NSUN7: variants seen among roughly 807,000 people sequenced by gnomAD.
NSUN7 encodes NOP2/Sun RNA methyltransferase family member 7.
Under a neutral mutation model 58.5 loss-of-function variants are expected in NSUN7, and 39 were observed. That is an observed-to-expected ratio of 0.67 (90% CI 0.52 to 0.87). The LOEUF is 0.87. Ranked by LOEUF, NSUN7 falls within the 40% of genes least tolerant of loss-of-function variation. NSUN7 has a pLI of 0.00. For missense variants in NSUN7, 765 were observed against 844.1 expected, an observed-to-expected ratio of 0.91 and a Z score of 1.16; for synonymous variants, 278 against 303.7, an observed-to-expected ratio of 0.92 and a Z score of 0.88.
intron 7 of NSUN7, chr4:40,786,539 C>G: frequency 1.2e-6 from 2 of 1,613,242 alleles, no homozygotes; most frequent in South Asian, 1.1e-5. Context: ...AACTCATTGT[C>G]TCTTTCAGAA....
At chr4:40,774,087 T>C (rs1173001277) in intron 4 of NSUN7, among the ~76,000 whole-genome samples, 178 bp from the exon 5 acceptor site, 1 of 152,230 alleles carries the variant, frequency 6.6e-6, no homozygotes, top group Admixed American at 6.5e-5. Flanking sequence ...CATGAGCCGC[T>C]GCGCCTGGGC....
chr4:40,805,549 T>C (rs1028637670), intron 10 of NSUN7, among the ~76,000 whole-genome samples: 2 of 152,234 alleles, frequency 1.3e-5, no homozygotes, highest in Admixed American at 1.3e-4. Flanking sequence ...ATCTTCGGGG[T>C]AACTAACGTG....
chr4:40,793,041 A>T (rs1743164395), intron 8 of NSUN7, among the ~76,000 whole-genome samples: 1 of 152,226 alleles, frequency 6.6e-6, no homozygotes, highest in Admixed American at 6.5e-5. Context: ...AACGACTTGG[A>T]ATTATTTTAA....
intron 4 of NSUN7, among the ~76,000 whole-genome samples, chr4:40,770,878 C>A (rs1741972086): frequency 1.3e-5 from 2 of 152,156 alleles, no homozygotes; most frequent in Non-Finnish European, 2.9e-5. Flanking sequence ...TAGTGAAACC[C>A]CATCTCTACT....
intron 10 of NSUN7, among the ~76,000 whole-genome samples, chr4:40,803,743 A>G (rs1341544252): frequency 6.6e-6 from 1 of 152,254 alleles, no homozygotes; most frequent in African/African-American, 2.4e-5. Context: ...TTTGTATATG[A>G]TAAGAGTTAG....
chr4:40,782,592 G>A (rs1742630601), intron 7 of NSUN7, among the ~76,000 whole-genome samples: 1 of 151,870 alleles, frequency 6.6e-6, no homozygotes, highest in African/African-American at 2.4e-5. Context: ...TTAGGGCCGG[G>A]TGCAGTGGCT....
rs186477572 is a variant in NSUN7 at position 40,782,835 on chromosome 4, T to C, written c.1036+6576T>C. 1.5e-3 allele frequency among the ~76,000 whole-genome samples: 223 copies of C among 152,222 alleles called. 1 individual carries two copies. Among genetic ancestry groups the C allele is most frequent in the African/African-American group, 5.2e-3 (215 of 41,532 alleles). ...AGTGAGCTGGTTCATGCCACTGCAC[T>C]CCAGCCTGGGCAACAAAGTGAGACC... is the stretch of plus-strand genomic sequence containing the variant. On this transcript the variant is annotated intron_variant, in intron 7 of 11. Coordinates refer to ENST00000381782, the MANE Select transcript of NSUN7 (RefSeq NM_024677.6).
rs527483803 is a variant in NSUN7 at position 40,767,514 on chromosome 4, A to G, written c.488+6213A>G. On this transcript the variant is annotated intron_variant, in intron 4 of 11. Transcript: ENST00000381782. ...AGCTTTACTTCCAACTATGTGGTCA[A>G]TTTTGGAATAGGTGTGGTGTGGTGC... Among the ~76,000 whole-genome samples the G allele has an allele frequency of 1.5e-4, 23 of 152,226 alleles. No homozygotes were observed. The South Asian group carries it at 1.7e-3, about 11-fold the overall frequency.
rs11405521 is a variant in NSUN7, at chr4:40,810,577, CAAAAAAAAAAAAAA to C, written c.*1649_*1662del. On this transcript the variant is annotated 3_prime_UTR_variant, in exon 12 of 12. Coordinates refer to ENST00000381782, the MANE Select transcript of NSUN7 (RefSeq NM_024677.6). Reference sequence around the variant, plus strand: ...TGGGAAGCAGAGTGAGACCTTGCCTCAAAAAAAAAAAAAAAAAAAAAAAAGTGTCAATGAAGAAA... The same window carrying C: ...TGGGAAGCAGAGTGAGACCTTGCCTCAAAAAAAAAAGTGTCAATGAAGAAA... 1 of 66,378 alleles carries C rather than the reference CAAAAAAAAAAAAAA, an allele frequency of 1.5e-5. No homozygotes were observed. The highest frequency in any genetic ancestry group is 2.7e-5 in the Non-Finnish European group (1 of 36,400). 4.1% of individuals were successfully genotyped at this position (66,378 alleles called of 1,614,324 possible). A position where few individuals can be genotyped will look rare whatever the true frequency, so the allele number is the denominator to read the frequency against.
chr4:40,796,999 G>A (rs564775668), intron 9 of NSUN7, among the ~76,000 whole-genome samples: 2 of 152,262 alleles, frequency 1.3e-5, no homozygotes, highest in East Asian at 1.9e-4. Context: ...GTCCTGTGAA[G>A]ATCGCCAGTG....
At chr4:40,798,762 G>A in intron 9 of NSUN7, 25 bp from the exon 10 acceptor site, 1 of 1,295,774 alleles carries the variant, frequency 7.7e-7, no homozygotes, top group Non-Finnish European at 1.1e-6. Flanking sequence ...AGTTGTTACA[G>A]TCATTGCATC....
At chr4:40,770,869 A>G (rs1200410109) in intron 4 of NSUN7, among the ~76,000 whole-genome samples, 3 of 152,110 alleles carry the variant, frequency 2.0e-5, no homozygotes, top group Non-Finnish European at 4.4e-5. Context: ...TGGCCAACAT[A>G]GTGAAACCCC....
chr4:40,797,304 A>G (rs757716856), intron 9 of NSUN7, among the ~76,000 whole-genome samples: 1 of 152,110 alleles, frequency 6.6e-6, no homozygotes, highest in Non-Finnish European at 1.5e-5. Flanking sequence ...AAACACCTCT[A>G]TGTGACTCCC....
Position 40,808,994 on chromosome 4 carries a change from A to C in NSUN7, c.*55A>C. 7.0e-7 allele frequency: 1 copy of C among 1,438,652 alleles called. No individual in the cohort carries two copies. Among genetic ancestry groups the C allele is most frequent in the Non-Finnish European group, 9.1e-7 (1 of 1,094,156 alleles). 89.1% of individuals were successfully genotyped at this position (1,438,652 alleles called of 1,614,324 possible). On this transcript the variant is annotated 3_prime_UTR_variant, in exon 12 of 12. Transcript: ENST00000381782. Reference sequence around the variant, plus strand: ...AGCAGTTGATTTTTTTTCAAAGTCTAGTATTTCTCTGAAGATTCTACATCT... The same window carrying C: ...AGCAGTTGATTTTTTTTCAAAGTCTCGTATTTCTCTGAAGATTCTACATCT...
Position 40,782,920 on chromosome 4 carries a change from C to T in NSUN7, c.1036+6661C>T, listed in dbSNP as rs997779798. 5.3e-5 allele frequency among the ~76,000 whole-genome samples: 8 copies of T among 152,068 alleles called. No homozygotes were observed. In the South Asian group the frequency reaches 1.0e-3, roughly 20 times the overall value. ...ACATAAACAAATGGAAAATATTCCA[C>T]GTTTAAGGATCAGAACACTCAATAT... On this transcript the variant is annotated intron_variant, in intron 7 of 11. Coordinates refer to ENST00000381782, the MANE Select transcript of NSUN7 (RefSeq NM_024677.6).
chr4:40,789,036 A>G (rs894609578), intron 7 of NSUN7, among the ~76,000 whole-genome samples: 1 of 152,234 alleles, frequency 6.6e-6, no homozygotes, highest in Non-Finnish European at 1.5e-5. Context: ...AAAGGGTTTT[A>G]GAATTAGAAT....
chr4:40,750,411 G>T (rs989001091), intron 1 of NSUN7, 111 bp downstream of exon 1: 3 of 393,586 alleles, frequency 7.6e-6, no homozygotes, highest in Non-Finnish European at 1.4e-5. Flanking sequence ...TCTCCTTGGG[G>T]CTCTTCTCCC....
chr4:40,757,910 G>A (rs1577541912), intron 2 of NSUN7, among the ~76,000 whole-genome samples: 1 of 151,320 alleles, frequency 6.6e-6, no homozygotes, highest in East Asian at 1.9e-4. Flanking sequence ...GTTTTTGTTT[G>A]TTTGTTTGTT....
At position 40,808,533 on chromosome 4, in the gene NSUN7, T is replaced by TAAC. The variant is rs765428195; in HGVS notation, c.1754_1756dup (p.Thr585dup). ...GCCAGTGCTAATCTATCAGAGACTG[T>TAAC]AACAAAACCACCTCTTCCCCAGAAA... On this transcript the variant is annotated inframe_insertion, in exon 12 of 12. Transcript: ENST00000381782. 6.4e-7 allele frequency: 1 copy of TAAC among 1,552,134 alleles called. No homozygotes were observed. Among genetic ancestry groups the TAAC allele is most frequent in the South Asian group, 1.2e-5 (1 of 84,168 alleles).
Sources: gnomAD v4.1 joint callset for allele counts (sites outside exome capture counted in the v4.1 genomes callset) on GRCh38, gnomAD v4.1.1 for gene constraint, MANE v1.5 for transcripts, NCBI Gene and HGNC (gene_info 2026-07-23, HGNC 2026-07-21) for gene names.